The following FBXO38 variants were observed in gnomAD, a reference collection of about 807,000 sequenced individuals.
FBXO38 encodes the protein F-box protein 38, also known as F-box only protein 38.
Under a neutral mutation model 131.9 loss-of-function variants are expected in FBXO38, and 53 were observed. That is an observed-to-expected ratio of 0.40 (90% CI 0.32 to 0.51). FBXO38 has a LOEUF of 0.51. Among genes scored for constraint, FBXO38 ranks in the 20% least tolerant of loss-of-function variants. The pLI, the probability that FBXO38 is intolerant of heterozygous loss-of-function variation, is 0.53. For synonymous variants in FBXO38, 452 were observed against 505.6 expected (o/e 0.89, Z 1.42); for missense variants, 1,076 against 1,475.6 (o/e 0.73, Z 4.44).
At chr5:148,393,787 G>A (rs1758337426) in intron 1 of FBXO38, among the ~76,000 whole-genome samples, 1 of 152,068 alleles carries the variant, frequency 6.6e-6, no homozygotes, top group East Asian at 1.9e-4. Flanking sequence ...CATCTACAAA[G>A]CCATTAATAT....
chr5:148,402,156 C>T lies in FBXO38; in HGVS notation c.426+11C>T, dbSNP rs778824607. 5.0e-6 allele frequency: 8 copies of T among 1,598,688 alleles called. No homozygotes were observed. In the African/African-American group the frequency reaches 8.1e-5, roughly 16 times the overall value. ...TGCCCAAACTTAGTGGTGAGTGCACCTGGTTGAACATTTTGGCATCAACTG... is the reference window on the plus strand; with the variant it reads ...TGCCCAAACTTAGTGGTGAGTGCACTTGGTTGAACATTTTGGCATCAACTG... On this transcript the variant is annotated intron_variant, in intron 4 of 21. Transcript: ENST00000340253.
At chr5:148,400,352 A>T (rs932834766) in intron 3 of FBXO38, among the ~76,000 whole-genome samples, 3 of 152,100 alleles carry the variant, frequency 2.0e-5, no homozygotes, top group Non-Finnish European at 4.4e-5. Context: ...GGCCAGCTGG[A>T]ATTCTGAAGA....
chr5:148,395,150 C>A (rs1758415179), intron 2 of FBXO38, among the ~76,000 whole-genome samples: 1 of 152,140 alleles, frequency 6.6e-6, no homozygotes, highest in African/African-American at 2.4e-5. Context: ...ACATATAGTT[C>A]TGTTGGACAG....
At chr5:148,418,957 A>G (rs1180622865) in intron 12 of FBXO38, among the ~76,000 whole-genome samples, 1 of 152,234 alleles carries the variant, frequency 6.6e-6, no homozygotes, top group Non-Finnish European at 1.5e-5. Context: ...ATTTATAAAT[A>G]CGGTTTCAGA....
chr5:148,430,534 T>C (rs1258922222), intron 15 of FBXO38: 1 of 152,086 alleles, frequency 6.6e-6, no homozygotes, highest in African/African-American at 2.4e-5. Flanking sequence ...TTTCACCATG[T>C]TGGTCAGGCT....
At chr5:148,408,570 A>G (rs1461356389) in intron 7 of FBXO38, among the ~76,000 whole-genome samples, 1 of 152,270 alleles carries the variant, frequency 6.6e-6, no homozygotes, top group African/African-American at 2.4e-5. Flanking sequence ...AGCGATATGG[A>G]TGAATCTCAT....
Position 148,416,085 on chromosome 5 carries a change from A to G in FBXO38, c.1407+15A>G. 6.6e-7 allele frequency: 1 copy of G among 1,515,916 alleles called. No homozygotes were observed. The highest frequency in any genetic ancestry group is 8.8e-7 in the Non-Finnish European group (1 of 1,131,436). The allele number at this position is 1,515,916 out of a possible 1,614,324, so 93.9% of individuals were successfully genotyped here. A position where few individuals can be genotyped will look rare whatever the true frequency, so the allele number is the denominator to read the frequency against. On this transcript the variant is annotated intron_variant, in intron 11 of 21. Coordinates refer to ENST00000340253, the MANE Select transcript of FBXO38 (RefSeq NM_205836.3). Reference sequence around the variant, plus strand: ...AACCACCCAAGGTAAGATACATTTGAGGGAGTTTTTGTTTATTTTGATAGG... The same window carrying G: ...AACCACCCAAGGTAAGATACATTTGGGGGAGTTTTTGTTTATTTTGATAGG...
rs963184926 is a variant in FBXO38 at position 148,398,912 on chromosome 5, A to G, written c.129-87A>G. On this transcript the variant is annotated intron_variant, in intron 2 of 21. Transcript: ENST00000340253. Reference sequence around the variant, plus strand: ...GATCTTATTTCATTTGAGTGGTAGGAGATTGGAAGAAGGAAAAAAAAATAA... The same window carrying G: ...GATCTTATTTCATTTGAGTGGTAGGGGATTGGAAGAAGGAAAAAAAAATAA... 37 of 1,406,626 alleles carry G rather than the reference A, an allele frequency of 2.6e-5. No homozygotes were observed. The South Asian group carries it at 3.5e-4, about 13-fold the overall frequency. The allele number at this position is 1,406,626 out of a possible 1,614,324, so 87.1% of individuals were successfully genotyped here. A position where few individuals can be genotyped will look rare whatever the true frequency, so the allele number is the denominator to read the frequency against.
intron 1 of FBXO38, among the ~76,000 whole-genome samples, chr5:148,387,723 A>G (rs1306554857): frequency 1.5e-5 from 2 of 129,456 alleles, no homozygotes; most frequent in Non-Finnish European, 3.1e-5. Flanking sequence ...GATGGAGTCT[A>G]GCTCTGTTAC....
intron 1 of FBXO38, 36 bp from the exon 2 acceptor site, chr5:148,394,678 G>GT (rs1758384350): frequency 5.0e-6 from 6 of 1,194,334 alleles, no homozygotes; most frequent in Admixed American, 7.0e-5. Context: ...TAGGGGGTGT[G>GT]TTTTTTTAGT....
At chr5:148,433,848 G>A (rs570743597) in intron 17 of FBXO38, 111 bp downstream of exon 17, 3 of 585,180 alleles carry the variant, frequency 5.1e-6, no homozygotes, top group Non-Finnish European at 9.0e-6. Flanking sequence ...AGGAAATATT[G>A]TGTTGGGTTA....
chr5:148,432,260 C>G (rs566317890), intron 15 of FBXO38, among the ~76,000 whole-genome samples: 11 of 152,282 alleles, frequency 7.2e-5, no homozygotes, highest in South Asian at 2.1e-4. Flanking sequence ...AATGTATTTT[C>G]TTAGAATATA....
chr5:148,427,600 A>G lies in FBXO38; in HGVS notation c.2306A>G (p.Glu769Gly). 1 of 1,614,184 alleles carries G rather than the reference A, an allele frequency of 6.2e-7. No homozygotes were observed. The highest frequency in any genetic ancestry group is 8.5e-7 in the Non-Finnish European group (1 of 1,180,038). ...GAGGCCATGGAGGAGGGAGATGCAG[A>G]GAGTTCTGTCTGCCCCAGATGCTGC... ...DSEAMEEGDA[E>G]SSVCPRCCCH... is the part of the protein sequence containing the mutation. Residue 769 changes from glutamate (E) to glycine (G), a missense_variant, in exon 15 of 22, where the codon GAG becomes GGG. Glu to Gly is a moderately conservative substitution (Grantham distance 98). This residue lies in a region of FBXO38 where 213 missense variants were observed against 225.2 expected (regional missense o/e 0.95). Coordinates refer to ENST00000340253, the MANE Select transcript of FBXO38 (RefSeq NM_205836.3).
At position 148,439,586 on chromosome 5, in the gene FBXO38, G is replaced by A. The variant is rs533563376; in HGVS notation, c.3025-61G>A. ...CCATGGAAAGATTGTTCAAGCTCTC[G>A]GAGAGAGATTTCTAAGGCATTCTCT... On this transcript the variant is annotated intron_variant, in intron 18 of 21. Transcript: ENST00000340253. The A allele has an allele frequency of 1.7e-4, 261 of 1,500,690 alleles. 1 individual carries two copies. The African/African-American group carries it at 3.0e-3, about 17-fold the overall frequency. The allele number at this position is 1,500,690 out of a possible 1,614,324, so 93.0% of individuals were successfully genotyped here. A position where few individuals can be genotyped will look rare whatever the true frequency, so the allele number is the denominator to read the frequency against.
chr5:148,393,187 G>GA (rs1758292189), intron 1 of FBXO38, among the ~76,000 whole-genome samples: 2 of 135,996 alleles, frequency 1.5e-5, no homozygotes, highest in African/African-American at 6.0e-5. Context: ...AACAGAAGAG[G>GA]GGTGTGTGTG....
At chr5:148,397,298 ATAAC>A (rs1758532913) in intron 2 of FBXO38, among the ~76,000 whole-genome samples, 1 of 152,182 alleles carries the variant, frequency 6.6e-6, no homozygotes, top group South Asian at 2.1e-4. Flanking sequence ...CTTTGACTAT[ATAAC>A]TATGAAGAAA....
At chr5:148,418,998 C>T (rs1429902476) in intron 12 of FBXO38, among the ~76,000 whole-genome samples, 1 of 152,122 alleles carries the variant, frequency 6.6e-6, no homozygotes, top group East Asian at 1.9e-4. Flanking sequence ...AAACCAAATA[C>T]ACAAGACATA....
chr5:148,425,762 G>GGTGTGT, intron 14 of FBXO38, 61 bp downstream of exon 14: 1 of 1,438,394 alleles, frequency 7.0e-7, no homozygotes, highest in East Asian at 2.3e-5. Context: ...GACACACTTG[G>GGTGTGT]CCTTAATATG....
chr5:148,420,371 C>T (rs1241325904), intron 12 of FBXO38, among the ~76,000 whole-genome samples: 1 of 152,120 alleles, frequency 6.6e-6, no homozygotes, highest in African/African-American at 2.4e-5. Flanking sequence ...AAGTGATCCT[C>T]ATGCCTCAGC....
Sources: allele counts gnomAD v4.1 joint callset (sites outside exome capture counted in the v4.1 genomes callset), GRCh38; gene constraint gnomAD v4.1.1; regional missense constraint gnomAD v4.1.1; transcripts MANE v1.5; gene names NCBI Gene and HGNC (gene_info 2026-07-23, HGNC 2026-07-21).